The following SMARCAD1 variants were observed in gnomAD, a reference collection of about 807,000 sequenced individuals.
SMARCAD1 encodes SWI/SNF-related matrix-associated actin-dependent regulator of chromatin subfamily A containing DEAD/H box 1.
In SMARCAD1, 25 loss-of-function variants were observed where a neutral mutation model predicts 127.1. That is an observed-to-expected ratio of 0.20 (90% CI 0.14 to 0.27). The LOEUF is 0.27. SMARCAD1 is among the 10% of genes least tolerant of loss of function. The pLI, the probability that SMARCAD1 is intolerant of heterozygous loss-of-function variation, is 1.00. For synonymous variants in SMARCAD1, 400 were observed against 396.9 expected (o/e 1.01, Z -0.09); for missense variants, 807 against 1,206.0 (o/e 0.67, Z 4.90).
At position 94,290,779 on chromosome 4, in the gene SMARCAD1, A is replaced by G. The variant is rs1432417781; in HGVS notation, c.*1245A>G. ...TGTGAGTTCCATGTGTTTTGTTTTT[A>G]TTATGTAAATATCATTATAAATAAA... On this transcript the variant is annotated 3_prime_UTR_variant, in exon 24 of 24. Transcript: ENST00000354268. 2.3e-6 allele frequency: 1 copy of G among 427,316 alleles called. No homozygotes were observed. Among genetic ancestry groups the G allele is most frequent in the Non-Finnish European group, 4.6e-6 (1 of 217,526 alleles). The allele number at this position is 427,316 out of a possible 1,614,324, so 26.5% of individuals were successfully genotyped here.
chr4:94,282,910 G>A (rs1405265010), intron 21 of SMARCAD1, among the ~76,000 whole-genome samples: 1 of 152,130 alleles, frequency 6.6e-6, no homozygotes, highest in African/African-American at 2.4e-5. Context: ...TTGAATTGAA[G>A]TAAGAGTTGG....
intron 4 of SMARCAD1, among the ~76,000 whole-genome samples, chr4:94,234,685 A>G (rs1746364237): frequency 1.3e-5 from 2 of 152,212 alleles, no homozygotes; most frequent in Non-Finnish European, 2.9e-5. Context: ...TAGGTAGAGA[A>G]TAAATTTCTG....
At chr4:94,286,132 A>C (rs550063294) in intron 23 of SMARCAD1, among the ~76,000 whole-genome samples, 2 of 152,290 alleles carry the variant, frequency 1.3e-5, no homozygotes, top group East Asian at 3.9e-4. Context: ...CCTCAGAGGG[A>C]AATTTTTCAA....
intron 11 of SMARCAD1, among the ~76,000 whole-genome samples, chr4:94,272,752 ATCT>A (rs1380869298): frequency 5.3e-5 from 8 of 151,482 alleles, no homozygotes; most frequent in Non-Finnish European, 1.0e-4. Context: ...CAATTTGTTG[ATCT>A]TCTTCTGTTG....
chr4:94,235,631 C>T (rs1375273526), intron 4 of SMARCAD1, among the ~76,000 whole-genome samples: 3 of 146,844 alleles, frequency 2.0e-5, no homozygotes, highest in African/African-American at 7.6e-5. Flanking sequence ...TACTTGTCTG[C>T]TAATGTGAAT....
At chr4:94,261,649 A>G (rs7684494) in intron 9 of SMARCAD1, among the ~76,000 whole-genome samples, 10,471 of 152,168 alleles carry the variant, frequency 0.069, 1,209 homozygotes, top group African/African-American at 0.24. Context: ...GTCTCACTCT[A>G]TCACCCAGGC....
At chr4:94,275,065 C>G (rs1045688954) in intron 14 of SMARCAD1, 100 bp downstream of exon 14, 39 of 858,948 alleles carry the variant, frequency 4.5e-5, no homozygotes, top group Non-Finnish European at 7.1e-5. Flanking sequence ...ATGCTGTTAA[C>G]TGTGATACGA....
In SMARCAD1 at chr4:94,264,559, TGAA is replaced by T. The variant is rs1361521689; in HGVS notation, c.1282-144_1282-142del. The stretch of plus-strand genomic sequence containing the variant: ...ACATGTAGCAACTCAAATATAAACA[TGAA>T]GAATCAGGTTCTCTTAGTAGTTGAC... On this transcript the variant is annotated intron_variant, in intron 9 of 23. Coordinates refer to ENST00000354268, the MANE Select transcript of SMARCAD1 (RefSeq NM_020159.5). The T allele has an allele frequency of 5.4e-5, 33 of 608,426 alleles. No homozygotes were observed. The African/African-American group carries it at 5.6e-4, about 10-fold the overall frequency. The allele number at this position is 608,426 out of a possible 1,614,324, so 37.7% of individuals were successfully genotyped here. A position where few individuals can be genotyped will look rare whatever the true frequency, so the allele number is the denominator to read the frequency against.
At chr4:94,258,308 C>T (rs930405304) in intron 9 of SMARCAD1, among the ~76,000 whole-genome samples, 4 of 152,040 alleles carry the variant, frequency 2.6e-5, no homozygotes, top group Non-Finnish European at 5.9e-5. Context: ...GCGTCTACCA[C>T]CACACCCGGT....
chr4:94,240,974 G>T lies in SMARCAD1; in HGVS notation c.673G>T (p.Asp225Tyr). The change falls in exon 6 of 24, where the codon GAT becomes TAT. Residue 225 changes from aspartate to tyrosine, a missense_variant. Physicochemically the swap from Asp to Tyr is radical, Grantham distance 160 (BLOSUM62 -3). This residue lies in a region of SMARCAD1 where 257 missense variants were observed against 303.4 expected (regional missense o/e 0.85). Transcript: ENST00000354268. ...EPYEEDEFND[D>Y]QSIKKTRLDH... Reference sequence around the variant, plus strand: ...ATATGAGGAAGATGAATTTAATGATGATCAATCTATAAAAAAGACAAGACT... The same window carrying T: ...ATATGAGGAAGATGAATTTAATGATTATCAATCTATAAAAAAGACAAGACT... 6.2e-7 allele frequency: 1 copy of T among 1,612,572 alleles called. No homozygotes were observed. Among genetic ancestry groups the T allele is most frequent in the South Asian group, 1.1e-5 (1 of 91,006 alleles).
intron 2 of SMARCAD1, among the ~76,000 whole-genome samples, chr4:94,212,170 AATTT>A (rs1742373770): frequency 6.6e-6 from 1 of 151,912 alleles, no homozygotes; most frequent in South Asian, 2.1e-4. Context: ...CATTTTTTAA[AATTT>A]ATTTATTATT....
intron 2 of SMARCAD1, among the ~76,000 whole-genome samples, chr4:94,218,027 A>G (rs1663887484): frequency 6.6e-6 from 1 of 152,056 alleles, no homozygotes; most frequent in African/African-American, 2.4e-5. Flanking sequence ...CATCTTGTTT[A>G]TTTTTGTGCT....
chr4:94,279,131 G>A, intron 19 of SMARCAD1, 81 bp downstream of exon 19: 1 of 1,569,924 alleles, frequency 6.4e-7, no homozygotes, highest in Non-Finnish European at 8.7e-7. Flanking sequence ...AACCCAATGG[G>A]CATACTAAAC....
chr4:94,216,834 T>G (rs188694832), intron 2 of SMARCAD1, among the ~76,000 whole-genome samples: 7 of 152,236 alleles, frequency 4.6e-5, no homozygotes, highest in Non-Finnish European at 8.8e-5. Context: ...CATCCATCAA[T>G]GGGCACTTGG....
At chr4:94,254,855 C>T (rs921154972) in intron 9 of SMARCAD1, among the ~76,000 whole-genome samples, 3 of 152,036 alleles carry the variant, frequency 2.0e-5, no homozygotes, top group Admixed American at 2.0e-4. Flanking sequence ...GAACTTTGAG[C>T]TCCTACTTTA....
chr4:94,279,151 C>A, intron 19 of SMARCAD1, 101 bp downstream of exon 19: 1 of 1,487,898 alleles, frequency 6.7e-7, no homozygotes, highest in Non-Finnish European at 9.2e-7. Context: ...CCTTTAACTA[C>A]ATATTTAAGA....
At chr4:94,238,177 C>T (rs1015660610) in intron 5 of SMARCAD1, among the ~76,000 whole-genome samples, 33 of 152,120 alleles carry the variant, frequency 2.2e-4, no homozygotes, top group African/African-American at 7.9e-4. Flanking sequence ...TTATTTTATC[C>T]ATATGAAATA....
intron 10 of SMARCAD1, among the ~76,000 whole-genome samples, chr4:94,265,280 G>A (rs901643044): frequency 4.6e-5 from 7 of 151,900 alleles, no homozygotes; most frequent in Admixed American, 6.6e-5. Context: ...TTGCATCAGC[G>A]TAAAACCTCC....
At chr4:94,252,569 A>G (rs969957304) in intron 8 of SMARCAD1, 47 bp from the exon 9 acceptor site, 2 of 1,281,378 alleles carry the variant, frequency 1.6e-6, no homozygotes, top group Admixed American at 2.8e-5. Flanking sequence ...CTATCTTTAT[A>G]TTTATGTATT....
Sources: allele counts gnomAD v4.1 joint callset (sites outside exome capture counted in the v4.1 genomes callset), GRCh38; gene constraint gnomAD v4.1.1; regional missense constraint gnomAD v4.1.1; transcripts MANE v1.5; gene names NCBI Gene and HGNC (gene_info 2026-07-23, HGNC 2026-07-21).